The following WNK3 variants were observed in gnomAD, a reference collection of about 807,000 sequenced individuals.
The protein encoded by WNK3 is serine/threonine-protein kinase WNK3.
In WNK3, 18 loss-of-function variants were observed where a neutral mutation model predicts 116.7. That is an observed-to-expected ratio of 0.15 (90% CI 0.11 to 0.23). The LOEUF (loss-of-function observed/expected upper bound fraction) is 0.23, where lower values mean the gene tolerates loss of function less well. Ranked by LOEUF, WNK3 falls within the 10% of genes least tolerant of loss-of-function variation. WNK3 has a pLI of 1.00. For missense variants in WNK3, 993 were observed against 1,323.8 expected (o/e 0.75, Z 3.88); for synonymous variants, 404 against 469.4 (o/e 0.86, Z 1.80).
intron 17 of WNK3, among the ~76,000 whole-genome samples, chrX:54,244,261 A>T (rs189014257): frequency 8.9e-6 from 1 of 112,080 alleles, no homozygotes; most frequent in Non-Finnish European, 1.9e-5. Flanking sequence ...CCATATTTAT[A>T]GAGCACAAAG....
intron 1 of WNK3, among the ~76,000 whole-genome samples, chrX:54,351,224 T>C (rs2069510996): frequency 9.0e-6 from 1 of 111,244 alleles, no homozygotes; most frequent in Admixed American, 9.7e-5. Flanking sequence ...TCATAAAATA[T>C]ATATCACATA....
chrX:54,232,746 A>G, intron 21 of WNK3, 63 bp downstream of exon 21: 1 of 934,393 alleles, frequency 1.1e-6, no homozygotes, highest in South Asian at 2.3e-5. Flanking sequence ...TATTATAATC[A>G]TTTTACTAAT....
At chrX:54,351,617 A>G (rs2069516592) in intron 1 of WNK3, among the ~76,000 whole-genome samples, 1 of 111,160 alleles carries the variant, frequency 9.0e-6, no homozygotes, top group Non-Finnish European at 1.9e-5. Flanking sequence ...TTTTTACAAT[A>G]AAATAAAATA....
intron 13 of WNK3, among the ~76,000 whole-genome samples, chrX:54,253,575 A>T (rs1257846245): frequency 1.8e-5 from 2 of 111,681 alleles, no homozygotes; most frequent in Non-Finnish European, 3.8e-5. Flanking sequence ...CAAAAAATAA[A>T]CTAAAAAAAA....
rs73634944 is a variant in WNK3, at chrX:54,346,516, G to A, written c.-120+11170C>T. Among the ~76,000 whole-genome samples the A allele has an allele frequency of 2.6e-3, 265 of 103,821 alleles. 1 individual carries two copies. The highest frequency in any genetic ancestry group is 8.9e-3 in the African/African-American group (251 of 28,361). 90.2% of individuals were successfully genotyped at this position (103,821 alleles called of 115,157 possible). ...CTACTTGAGAAGCTGAGGTGGGGAC[G>A]ATCACCTGAGCCCAGGGAGGTTGAG... On this transcript the variant is annotated intron_variant, in intron 1 of 23. Transcript: ENST00000354646.
chrX:54,337,431 G>C (rs1426730013), intron 1 of WNK3, among the ~76,000 whole-genome samples: 2 of 108,860 alleles, frequency 1.8e-5, no homozygotes, highest in African/African-American at 3.3e-5. Flanking sequence ...TGTGGTGGCG[G>C]GTGCCTGTAA....
rs141889098 is a variant in WNK3 at position 54,329,813 on chromosome X, T to G, written c.537+3324A>C. On this transcript the variant is annotated intron_variant, in intron 2 of 23. Coordinates refer to ENST00000354646, the Ensembl canonical transcript of WNK3. ...GTGAATGGAAATTATTTCCCTCATT[T>G]ACAGATGGTATCATGCAAAGTTGAG... 1.3e-3 allele frequency among the ~76,000 whole-genome samples: 150 copies of G among 112,218 alleles called. 1 individual carries two copies. Among genetic ancestry groups the G allele is most frequent in the African/African-American group, 4.7e-3 (146 of 31,001 alleles).
At chrX:54,258,049 G>A (rs1312721138) in intron 11 of WNK3, among the ~76,000 whole-genome samples, 2 of 108,547 alleles carry the variant, frequency 1.8e-5, no homozygotes, top group East Asian at 2.9e-4. Context: ...AGGCCGAGGC[G>A]GGCAGATCAT....
chrX:54,294,686 C>A lies in WNK3; in HGVS notation c.1560G>T (p.Gln520His), dbSNP rs1557165881. 1 of 1,210,437 alleles carries A rather than the reference C, an allele frequency of 8.3e-7. No homozygotes were observed. Among genetic ancestry groups the A allele is most frequent in the South Asian group, 1.8e-5 (1 of 56,841 alleles). The change falls in exon 8 of 24, where the codon CAG becomes CAT. Residue 520 changes from glutamine to histidine, a missense_variant. By Grantham distance (24) the Gln-to-His change is conservative. Around this residue, in one of 4 missense-constraint regions of WNK3, gnomAD observed 836 missense variants for 976.5 expected, o/e 0.86. Transcript: ENST00000354646. ...CAAGGGGTAAAGTTGTATTCTGGGG[C>A]TGAGGGAATACATTCCCCATAGACT...
At chrX:54,195,530 A>G (rs1409717934) in exon 24 of WNK3, 1 of 111,822 alleles carries the variant, frequency 8.9e-6, no homozygotes, top group Non-Finnish European at 1.9e-5. Context: ...AAAACTAGCC[A>G]GTATTTACAG....
chrX:54,351,772 C>T (rs1557178551), intron 1 of WNK3, among the ~76,000 whole-genome samples: 3 of 110,679 alleles, frequency 2.7e-5, no homozygotes, highest in Admixed American at 9.7e-5. Flanking sequence ...ACTAGTTGGG[C>T]GTGGTGGCAC....
intron 10 of WNK3, among the ~76,000 whole-genome samples, chrX:54,263,996 G>T (rs2068283399): frequency 9.4e-6 from 1 of 106,516 alleles, no homozygotes; most frequent in South Asian, 4.3e-4. Context: ...CTCCTGAGCA[G>T]CTGAGACTAC....
At chrX:54,283,902 C>CAGCATTCATAAA (rs2068550485) in intron 10 of WNK3, among the ~76,000 whole-genome samples, 1 of 104,619 alleles carries the variant, frequency 9.6e-6, no homozygotes, top group Non-Finnish European at 1.9e-5. Context: ...CCTTACTTCA[C>CAGCATTCATAAA]AGCATTCATA....
chrX:54,350,286 T>C (rs2069496503), intron 1 of WNK3, among the ~76,000 whole-genome samples: 1 of 110,183 alleles, frequency 9.1e-6, no homozygotes, highest in Non-Finnish European at 1.9e-5. Context: ...GGCGGGCACC[T>C]ATAGTCCCAG....
intron 10 of WNK3, among the ~76,000 whole-genome samples, chrX:54,270,399 CTTTTTTTT>C (rs781794140): frequency 2.0e-4 from 19 of 92,749 alleles, no homozygotes; most frequent in African/African-American, 6.6e-4. Flanking sequence ...CGCCCGGCCT[CTTTTTTTT>C]TTTTTTTTTT....
chrX:54,206,227 C>T (rs1458433193), intron 22 of WNK3, among the ~76,000 whole-genome samples: 1 of 109,780 alleles, frequency 9.1e-6, no homozygotes, highest in Admixed American at 9.8e-5. Flanking sequence ...AGGAGGATCT[C>T]GTCTCAAAAA....
intron 2 of WNK3, among the ~76,000 whole-genome samples, chrX:54,317,755 C>T (rs927824918): frequency 3.7e-5 from 4 of 108,303 alleles, no homozygotes; most frequent in Non-Finnish European, 7.7e-5. Context: ...CCTCAGCCTC[C>T]CAAGTAGCTG....
intron 20 of WNK3, among the ~76,000 whole-genome samples, chrX:54,234,011 G>T (rs1179486340): frequency 9.2e-6 from 1 of 108,775 alleles, no homozygotes; most frequent in Non-Finnish European, 1.9e-5. Flanking sequence ...ATAAAAGAAA[G>T]AATAATAAAA....
Position 54,251,385 on chromosome X carries a change from C to T in WNK3, c.2575+14G>A. The T allele has an allele frequency of 8.9e-7, 1 of 1,123,966 alleles. No individual in the cohort carries two copies. 92.6% of individuals were successfully genotyped at this position (1,123,966 alleles called of 1,213,427 possible). A position where few individuals can be genotyped will look rare whatever the true frequency, so the allele number is the denominator to read the frequency against. ...TTCAAAAACCAAATGATAAATTTTA[C>T]TAAATATACTTACTGCTGGTTTGAG... On this transcript the variant is annotated intron_variant, in intron 15 of 23. Coordinates refer to ENST00000354646, the Ensembl canonical transcript of WNK3.
Sources: allele counts gnomAD v4.1 joint callset (sites outside exome capture counted in the v4.1 genomes callset), GRCh38; gene constraint gnomAD v4.1.1; regional missense constraint gnomAD v4.1.1; transcripts MANE v1.5; gene names NCBI Gene and HGNC (gene_info 2026-07-23, HGNC 2026-07-21).